The following ASCC3 variants were observed in gnomAD, a reference collection of about 807,000 sequenced individuals.
ASCC3 encodes the protein ASC-1 complex subunit P200.
ASCC3 carries 158 observed loss-of-function variants against 256.3 expected under a neutral mutation model. That is an observed-to-expected ratio of 0.62 (90% CI 0.54 to 0.70). The LOEUF is 0.70. Ranked by LOEUF, ASCC3 falls within the 30% of genes least tolerant of loss-of-function variation. The pLI is 0.00. For missense variants in ASCC3, 2,259 were observed against 2,626.0 expected (o/e 0.86, Z 3.05); for synonymous variants, 948 against 883.4 (o/e 1.07, Z -1.30).
intron 8 of ASCC3, among the ~76,000 whole-genome samples, chr6:100,781,535 C>T (rs890713007): frequency 6.8e-6 from 1 of 148,090 alleles, no homozygotes; most frequent in African/African-American, 2.5e-5. Flanking sequence ...AGGTGGGTGC[C>T]ACCACGCCTG....
Position 100,549,666 on chromosome 6 carries a change from C to T in ASCC3, c.5551-9279G>A, listed in dbSNP as rs186221231. Among the ~76,000 whole-genome samples the T allele has an allele frequency of 1.2e-4, 18 of 151,540 alleles. 1 individual carries two copies. Among genetic ancestry groups the T allele is most frequent in the Admixed American group, 1.1e-3 (16 of 15,184 alleles). On this transcript the variant is annotated intron_variant, in intron 36 of 41. Transcript: ENST00000369162. ...AAGTTCACTTATTTTCCCAGCCTTG[C>T]CAACTGGTTTAAGAAAAATGTAATA...
At chr6:100,853,734 A>ATTACAGGC (rs543544942) in intron 3 of ASCC3, among the ~76,000 whole-genome samples, 102 of 152,332 alleles carry the variant, frequency 6.7e-4, no homozygotes, top group African/African-American at 2.3e-3. Context: ...AAGGGCTGGG[A>ATTACAGGC]TTACAGGCGT....
Position 100,752,489 on chromosome 6 carries a change from T to C in ASCC3, c.1737+14076A>G, listed in dbSNP as rs1406420305. On this transcript the variant is annotated intron_variant, in intron 10 of 41. Transcript: ENST00000369162. ...AGTAGTTTGCCCATCTAATTCAGTT[T>C]GTTAATACCTTCAGCCATCTTTTCC... 2.0e-5 allele frequency among the ~76,000 whole-genome samples: 3 copies of C among 152,142 alleles called. No individual in the cohort carries two copies. In the East Asian group the frequency reaches 5.8e-4, roughly 29 times the overall value.
chr6:100,769,166 T>C (rs1781799570), intron 8 of ASCC3, among the ~76,000 whole-genome samples: 1 of 151,956 alleles, frequency 6.6e-6, no homozygotes, highest in African/African-American at 2.4e-5. Context: ...AATCTGAAAA[T>C]GTTCATCTCA....
At chr6:100,578,345 G>T (rs1163766876) in intron 36 of ASCC3, among the ~76,000 whole-genome samples, 1 of 151,930 alleles carries the variant, frequency 6.6e-6, no homozygotes, top group Non-Finnish European at 1.5e-5. Context: ...GTGGTTTGGG[G>T]TACAGATTAT....
At chr6:100,760,469 G>T (rs974574473) in intron 10 of ASCC3, among the ~76,000 whole-genome samples, 8 of 152,128 alleles carry the variant, frequency 5.3e-5, no homozygotes, top group Admixed American at 2.0e-4. Flanking sequence ...TGCATCCCAG[G>T]GATGAAGCCA....
In ASCC3 at chr6:100,725,532, C is replaced by T; in HGVS notation, c.1902+7G>A. 1 of 1,611,856 alleles carries T rather than the reference C, an allele frequency of 6.2e-7. No individual in the cohort carries two copies. The highest frequency in any genetic ancestry group is 8.5e-7 in the Non-Finnish European group (1 of 1,178,544). ...TCAAAATAAGCTTATACATAACTTC[C>T]TCTTACCTGCCGTAAAGTACGGGCA... is the stretch of plus-strand genomic sequence containing the variant. On this transcript the variant is annotated splice_region_variant and intron_variant, in intron 11 of 41. Transcript: ENST00000369162.
At chr6:100,819,816 C>T (rs1197587044) in intron 4 of ASCC3, among the ~76,000 whole-genome samples, 1 of 152,108 alleles carries the variant, frequency 6.6e-6, no homozygotes, top group Non-Finnish European at 1.5e-5. Context: ...ATTTTAATTT[C>T]CTTTGGCAAC....
intron 36 of ASCC3, among the ~76,000 whole-genome samples, chr6:100,548,466 T>A (rs1408946698): frequency 6.6e-6 from 1 of 151,968 alleles, no homozygotes; most frequent in Non-Finnish European, 1.5e-5. Flanking sequence ...AATAGGAAAC[T>A]TCCTATATCA....
chr6:100,855,111 T>A lies in ASCC3; in HGVS notation c.242-6404A>T, dbSNP rs7750879. 3.9e-5 allele frequency among the ~76,000 whole-genome samples: 3 copies of A among 76,442 alleles called. No individual in the cohort carries two copies. The Admixed American group carries it at 4.1e-4, about 10-fold the overall frequency. 50.1% of individuals were successfully genotyped at this position (76,442 alleles called of 152,430 possible). ...AAACTAAAGCAAATTGTCAAGAACC[T>A]TTTTTTTTTTTTCTTTTTTAGAGAC... is the stretch of plus-strand genomic sequence containing the variant. On this transcript the variant is annotated intron_variant, in intron 3 of 41. Transcript: ENST00000369162.
chr6:100,627,263 T>G (rs1774287680), intron 29 of ASCC3, among the ~76,000 whole-genome samples: 1 of 152,152 alleles, frequency 6.6e-6, no homozygotes, highest in African/African-American at 2.4e-5. Context: ...GATTATGAGA[T>G]GTTTTTGACC....
chr6:100,672,735 A>G (rs986912102), intron 14 of ASCC3, among the ~76,000 whole-genome samples: 2 of 152,066 alleles, frequency 1.3e-5, no homozygotes, highest in African/African-American at 4.8e-5. Context: ...CCAAATTTCT[A>G]ATAAGTACCT....
chr6:100,690,598 C>T (rs1267229793), intron 13 of ASCC3, among the ~76,000 whole-genome samples: 2 of 152,082 alleles, frequency 1.3e-5, no homozygotes, highest in Non-Finnish European at 2.9e-5. Flanking sequence ...AATCAAATTA[C>T]TAAAGCACAA....
At chr6:100,651,124 T>C (rs979558087) in intron 19 of ASCC3, among the ~76,000 whole-genome samples, 25 of 151,950 alleles carry the variant, frequency 1.6e-4, no homozygotes, top group African/African-American at 6.0e-4. Context: ...TTTTATATGG[T>C]ATAATACATT....
rs973784034 is a variant in ASCC3, at chr6:100,646,852, A to G, written c.3479-83T>C. On this transcript the variant is annotated intron_variant, in intron 21 of 41. Transcript: ENST00000369162. Reference sequence around the variant, plus strand: ...CTGACTTGTAAATGGGATTTCAGAGAAGGTGATTTTATTGCTTGTTTTATG... The same window carrying G: ...CTGACTTGTAAATGGGATTTCAGAGGAGGTGATTTTATTGCTTGTTTTATG... 2.2e-6 allele frequency: 3 copies of G among 1,387,452 alleles called. No homozygotes were observed. In the African/African-American group the frequency reaches 4.3e-5, roughly 20 times the overall value. The allele number at this position is 1,387,452 out of a possible 1,614,324, so 85.9% of individuals were successfully genotyped here.
At chr6:100,530,961 A>C in intron 37 of ASCC3, 1 of 1,514,616 alleles carries the variant, frequency 6.6e-7, no homozygotes. Context: ...CACGTGTCTA[A>C]TTATGATGAA....
At position 100,659,843 on chromosome 6, in the gene ASCC3, T is replaced by G. The variant is rs116452639; in HGVS notation, c.2703+1963A>C. Among the ~76,000 whole-genome samples the G allele has an allele frequency of 1.7e-3, 261 of 151,598 alleles. 1 individual carries two copies. Among genetic ancestry groups the G allele is most frequent in the African/African-American group, 5.9e-3 (247 of 41,522 alleles). On this transcript the variant is annotated intron_variant, in intron 16 of 41. Transcript: ENST00000369162. ...TTAAGATATCACTTCATATTTAACTTTAGCATTTAAGTCTGTTCTTCAAAA... is the reference window on the plus strand; with the variant it reads ...TTAAGATATCACTTCATATTTAACTGTAGCATTTAAGTCTGTTCTTCAAAA...
intron 3 of ASCC3, among the ~76,000 whole-genome samples, chr6:100,851,533 T>A (rs1772668096): frequency 1.3e-5 from 2 of 152,182 alleles, no homozygotes; most frequent in South Asian, 4.1e-4. Context: ...CACAGAAACA[T>A]CAACAAAGAT....
At chr6:100,568,346 C>A (rs1337602625) in intron 36 of ASCC3, among the ~76,000 whole-genome samples, 1 of 147,716 alleles carries the variant, frequency 6.8e-6, no homozygotes, top group Non-Finnish European at 1.5e-5. Flanking sequence ...CCAGCCTCGG[C>A]GACAAAGTGA....
Sources: allele counts gnomAD v4.1 joint callset (sites outside exome capture counted in the v4.1 genomes callset), GRCh38; gene constraint gnomAD v4.1.1; transcripts MANE v1.5; gene names NCBI Gene and HGNC (gene_info 2026-07-23, HGNC 2026-07-21).